CSMD1: variants seen among roughly 807,000 people sequenced by gnomAD.
The protein encoded by CSMD1 is CUB and sushi domain-containing protein 1.
Under a neutral mutation model 417.5 loss-of-function variants are expected in CSMD1, and 213 were observed. The observed-to-expected ratio is 0.51, with a 90% CI of 0.46 to 0.57. The LOEUF (loss-of-function observed/expected upper bound fraction) is 0.57, where lower values mean the gene tolerates loss of function less well. Ranked by LOEUF, CSMD1 falls within the 20% of genes least tolerant of loss-of-function variation. The pLI is 0.00. For missense variants in CSMD1, 6,923 were observed against 4,529.7 expected (o/e 1.53, Z -15.17); for synonymous variants, 2,862 against 1,736.8 (o/e 1.65, Z -16.11).
chr8:4,121,458 T>C (rs2130944379), intron 3 of CSMD1, among the ~76,000 whole-genome samples: 2 of 152,298 alleles, frequency 1.3e-5, no homozygotes, highest in South Asian at 4.1e-4. Flanking sequence ...AAGGGCTTCT[T>C]TGCTATACTT....
At chr8:4,396,786 C>T (rs1202127303) in intron 3 of CSMD1, among the ~76,000 whole-genome samples, 1 of 151,990 alleles carries the variant, frequency 6.6e-6, no homozygotes, top group Non-Finnish European at 1.5e-5. Context: ...GAATAGAAAA[C>T]CAAACATCGT....
At chr8:3,332,186 C>G (rs543778887) in intron 23 of CSMD1, among the ~76,000 whole-genome samples, 2 of 152,290 alleles carry the variant, frequency 1.3e-5, no homozygotes, top group South Asian at 2.1e-4. Context: ...GGATATTATC[C>G]AAAACTACTG....
At chr8:3,679,490 C>T (rs1184442994) in intron 7 of CSMD1, among the ~76,000 whole-genome samples, 1 of 152,214 alleles carries the variant, frequency 6.6e-6, no homozygotes, top group Non-Finnish European at 1.5e-5. Flanking sequence ...GCTAACTATC[C>T]TAAATATATA....
intron 30 of CSMD1, 54 bp downstream of exon 30, chr8:3,214,443 G>A (rs1174020004): frequency 7.2e-7 from 1 of 1,385,854 alleles, no homozygotes; most frequent in Non-Finnish European, 9.7e-7. Context: ...TCAATGAGAT[G>A]CTGCATTTTA....
At position 4,823,815 on chromosome 8, in the gene CSMD1, A is replaced by T. The variant is rs553061951; in HGVS notation, c.85+170517T>A. On this transcript the variant is annotated intron_variant, in intron 1 of 69. Coordinates refer to ENST00000635120, the MANE Select transcript of CSMD1 (RefSeq NM_033225.6). ...CATGGAGTGGTGAGTAGGGGAGAAAAAGAAAGCTCACAGAGGTTGAAGATA... is the reference window on the plus strand; with the variant it reads ...CATGGAGTGGTGAGTAGGGGAGAAATAGAAAGCTCACAGAGGTTGAAGATA... Among the ~76,000 whole-genome samples, 100 of 151,982 alleles carry T rather than the reference A, an allele frequency of 6.6e-4. 1 individual carries two copies. Among genetic ancestry groups the T allele is most frequent in the Admixed American group, 6.0e-3 (92 of 15,232 alleles).
At chr8:3,031,442 T>G (rs753701099) in intron 50 of CSMD1, among the ~76,000 whole-genome samples, 1 of 152,040 alleles carries the variant, frequency 6.6e-6, no homozygotes, top group Non-Finnish European at 1.5e-5. Flanking sequence ...TGTGCACATG[T>G]ACCCTAAAAC....
intron 5 of CSMD1, among the ~76,000 whole-genome samples, chr8:3,824,004 C>G (rs1366692942): frequency 2.0e-5 from 3 of 152,088 alleles, no homozygotes; most frequent in Non-Finnish European, 2.9e-5. Context: ...GTTTTTGCTT[C>G]CAGTCTCTGT....
chr8:4,189,510 A>G (rs1798888717), intron 3 of CSMD1, among the ~76,000 whole-genome samples: 1 of 152,206 alleles, frequency 6.6e-6, no homozygotes, highest in African/African-American at 2.4e-5. Flanking sequence ...AATTGTATAA[A>G]CATATATTAA....
chr8:4,047,808 A>G (rs186362095), intron 3 of CSMD1, among the ~76,000 whole-genome samples: 6 of 152,294 alleles, frequency 3.9e-5, no homozygotes, highest in East Asian at 3.9e-4. Context: ...GGTAGTCAGG[A>G]AACACCTCAA....
chr8:3,253,858 C>A (rs1161881068), intron 26 of CSMD1, among the ~76,000 whole-genome samples: 1 of 152,158 alleles, frequency 6.6e-6, no homozygotes, highest in Non-Finnish European at 1.5e-5. Context: ...TTAGTTGGAG[C>A]ATTTAGCCCA....
chr8:4,190,957 G>GA (rs1439709594), intron 3 of CSMD1, among the ~76,000 whole-genome samples: 1 of 151,926 alleles, frequency 6.6e-6, no homozygotes, highest in African/African-American at 2.4e-5. Flanking sequence ...GGAGAGTGGG[G>GA]GGGGCGGGGA....
intron 62 of CSMD1, among the ~76,000 whole-genome samples, chr8:2,960,274 C>A (rs1803343783): frequency 6.6e-6 from 1 of 152,294 alleles, no homozygotes; most frequent in African/African-American, 2.4e-5. Context: ...ATATTATTAG[C>A]TCCCTGTAAG....
chr8:3,102,752 G>C (rs997978811), intron 46 of CSMD1, among the ~76,000 whole-genome samples: 21 of 152,238 alleles, frequency 1.4e-4, no homozygotes, highest in African/African-American at 4.6e-4. Context: ...ACAAAGCCTG[G>C]AACGGAGTGT....
intron 1 of CSMD1, among the ~76,000 whole-genome samples, chr8:4,647,992 C>G (rs1486762496): frequency 6.6e-6 from 1 of 152,218 alleles, no homozygotes; most frequent in Non-Finnish European, 1.5e-5. Flanking sequence ...AACTGCCACA[C>G]TGTCTTCCTC....
intron 3 of CSMD1, among the ~76,000 whole-genome samples, chr8:4,143,024 G>A (rs1028734842): frequency 6.7e-6 from 1 of 150,146 alleles, no homozygotes. Flanking sequence ...TTAGGAACTA[G>A]TGTCCAATTC....
At chr8:3,710,180 T>C (rs1178516331) in intron 6 of CSMD1, among the ~76,000 whole-genome samples, 1 of 152,186 alleles carries the variant, frequency 6.6e-6, no homozygotes, top group Non-Finnish European at 1.5e-5. Flanking sequence ...TTTTTGTTTT[T>C]AATTGTCGCA....
At chr8:4,658,857 G>C (rs927154829) in intron 1 of CSMD1, among the ~76,000 whole-genome samples, 2 of 152,128 alleles carry the variant, frequency 1.3e-5, no homozygotes, top group Non-Finnish European at 2.9e-5. Context: ...AACATGGTCT[G>C]GGGTTGGGAG....
rs10111262 is a variant in CSMD1 at position 3,065,288 on chromosome 8, T to G, written c.7475-12641A>C. Reference sequence around the variant, plus strand: ...GGAAGACTGGAATATGATACATAGATAGATAGATAGATAGGTAGATAGATA... The same window carrying G: ...GGAAGACTGGAATATGATACATAGAGAGATAGATAGATAGGTAGATAGATA... On this transcript the variant is annotated intron_variant, in intron 49 of 69. Transcript: ENST00000635120. Among the ~76,000 whole-genome samples the G allele has an allele frequency of 5.0e-3, 684 of 138,098 alleles. 6 individuals are homozygous for G. Among genetic ancestry groups the G allele is most frequent in the African/African-American group, 0.017 (655 of 38,088 alleles). 90.6% of individuals were successfully genotyped at this position (138,098 alleles called of 152,430 possible).
At chr8:3,075,094 T>A (rs1353471289) in intron 49 of CSMD1, among the ~76,000 whole-genome samples, 1 of 152,052 alleles carries the variant, frequency 6.6e-6, no homozygotes, top group Non-Finnish European at 1.5e-5. Context: ...TTGCTCCTAC[T>A]TTTGCTAGGC....
Sources: allele counts gnomAD v4.1 joint callset (sites outside exome capture counted in the v4.1 genomes callset), GRCh38; gene constraint gnomAD v4.1.1; transcripts MANE v1.5; gene names NCBI Gene and HGNC (gene_info 2026-07-23, HGNC 2026-07-21).